The following ZBTB7C variants were observed in gnomAD, a reference collection of about 807,000 sequenced individuals.
ZBTB7C encodes zinc finger and BTB domain containing 7C.
Under a neutral mutation model 25.7 loss-of-function variants are expected in ZBTB7C, and 8 were observed. The observed-to-expected ratio is 0.31, with a 90% confidence interval of 0.18 to 0.56. ZBTB7C has a LOEUF of 0.56. Among genes scored for constraint, ZBTB7C ranks in the 20% least tolerant of loss-of-function variants. ZBTB7C has a pLI of 0.91. For missense variants in ZBTB7C, 824 were observed against 855.2 expected (o/e 0.96, Z 0.46); for synonymous variants, 394 against 369.0 (o/e 1.07, Z -0.78).
chr18:48,216,995 G>A (rs1320689338), intron 2 of ZBTB7C, among the ~76,000 whole-genome samples: 2 of 152,162 alleles, frequency 1.3e-5, no homozygotes, highest in African/African-American at 4.8e-5. Flanking sequence ...TGCGCAGGAA[G>A]GCCGTGTGAT....
At chr18:48,128,897 A>G (rs2039895128) in intron 3 of ZBTB7C, among the ~76,000 whole-genome samples, 1 of 152,162 alleles carries the variant, frequency 6.6e-6, no homozygotes, top group Non-Finnish European at 1.5e-5. Flanking sequence ...GTGCGCAGGT[A>G]AGCCCTCTCT....
At chr18:48,186,961 G>A (rs1255307019) in intron 2 of ZBTB7C, among the ~76,000 whole-genome samples, 1 of 152,230 alleles carries the variant, frequency 6.6e-6, no homozygotes, top group East Asian at 1.9e-4. Flanking sequence ...AAGAAGTGAA[G>A]GCAAAGAGGC....
At chr18:48,385,606 G>A (rs1452866306) in intron 1 of ZBTB7C, among the ~76,000 whole-genome samples, 4 of 152,230 alleles carry the variant, frequency 2.6e-5, no homozygotes, top group East Asian at 3.8e-4. Context: ...AGGCAGGCCC[G>A]CCCGGAACGC....
chr18:48,179,510 C>A (rs554494143), intron 3 of ZBTB7C, among the ~76,000 whole-genome samples: 2 of 152,036 alleles, frequency 1.3e-5, no homozygotes, highest in South Asian at 4.2e-4. Context: ...TGGTTAAGCA[C>A]CAGGAAGGAG....
chr18:48,135,081 C>T (rs760918608), intron 3 of ZBTB7C, among the ~76,000 whole-genome samples: 5 of 152,076 alleles, frequency 3.3e-5, no homozygotes, highest in African/African-American at 7.2e-5. Flanking sequence ...TCCCAGGCTC[C>T]TTCCCAGGCT....
At chr18:48,219,053 C>T (rs1436086761) in intron 2 of ZBTB7C, among the ~76,000 whole-genome samples, 1 of 152,166 alleles carries the variant, frequency 6.6e-6, no homozygotes, top group South Asian at 2.1e-4. Context: ...AACAGCAGCC[C>T]CCATCACAAG....
At chr18:48,154,206 C>G (rs896210310) in intron 3 of ZBTB7C, among the ~76,000 whole-genome samples, 1 of 152,116 alleles carries the variant, frequency 6.6e-6, no homozygotes, top group Admixed American at 6.5e-5. Context: ...GGTCAGGAAT[C>G]GATCTGAATG....
intron 3 of ZBTB7C, among the ~76,000 whole-genome samples, chr18:48,084,324 C>T (rs1388631879): frequency 6.6e-6 from 1 of 152,326 alleles, no homozygotes; most frequent in South Asian, 2.1e-4. Context: ...CCCCTCCCCA[C>T]GATGGGGGCT....
rs548664392 is a variant in ZBTB7C, at chr18:48,176,007, G to A, written c.-17+9927C>T. 2.0e-4 allele frequency among the ~76,000 whole-genome samples: 30 copies of A among 152,262 alleles called. No individual in the cohort carries two copies. The East Asian group carries it at 4.2e-3, about 22-fold the overall frequency. On this transcript the variant is annotated intron_variant, in intron 3 of 4. Coordinates refer to ENST00000590800, the MANE Select transcript of ZBTB7C (RefSeq NM_001318841.2). ...TGGGTGCTACATCTAGGGAGAGACC[G>A]ATGAGGAGCAGGGTACTGCATGGTT... is the stretch of plus-strand genomic sequence containing the variant.
chr18:48,136,876 A>G, intron 3 of ZBTB7C: 9 of 807,184 alleles, frequency 1.1e-5, no homozygotes, highest in Non-Finnish European at 1.3e-5. Context: ...GCGCGTAGCG[A>G]GAATGCCCGC....
intron 1 of ZBTB7C, among the ~76,000 whole-genome samples, chr18:48,385,368 G>A (rs779696932): frequency 2.6e-5 from 4 of 152,176 alleles, no homozygotes; most frequent in Non-Finnish European, 4.4e-5. Flanking sequence ...GAAAGCTGGC[G>A]ATGACCTCTG....
intron 3 of ZBTB7C, among the ~76,000 whole-genome samples, chr18:48,127,503 G>T (rs544375542): frequency 3.9e-5 from 6 of 152,342 alleles, no homozygotes; most frequent in African/African-American, 1.4e-4. Context: ...TCCTACAGGG[G>T]TCAGCATGGG....
chr18:48,279,582 C>G (rs548750821), intron 2 of ZBTB7C, among the ~76,000 whole-genome samples: 1 of 152,218 alleles, frequency 6.6e-6, no homozygotes, highest in Non-Finnish European at 1.5e-5. Flanking sequence ...TTAGCACAGC[C>G]TGCCTTTTGC....
At chr18:48,270,821 C>T (rs1304645081) in intron 2 of ZBTB7C, among the ~76,000 whole-genome samples, 20 of 151,780 alleles carry the variant, frequency 1.3e-4, no homozygotes, top group Admixed American at 1.2e-3. Context: ...ATTACTGGCA[C>T]GCCCGGCCCT....
At chr18:48,126,567 C>T (rs901491339) in intron 3 of ZBTB7C, among the ~76,000 whole-genome samples, 3 of 152,212 alleles carry the variant, frequency 2.0e-5, no homozygotes, top group African/African-American at 7.2e-5. Flanking sequence ...CCCTCATTGG[C>T]TTCTTGTTAC....
chr18:48,144,052 C>A (rs764350694), intron 3 of ZBTB7C, among the ~76,000 whole-genome samples: 1 of 152,082 alleles, frequency 6.6e-6, no homozygotes, highest in Non-Finnish European at 1.5e-5. Flanking sequence ...CCGAGGTGGG[C>A]GGATCACTTC....
intron 3 of ZBTB7C, among the ~76,000 whole-genome samples, chr18:48,141,151 C>T (rs112916841): frequency 0.11 from 16,705 of 145,446 alleles, 1,365 homozygotes; most frequent in Admixed American, 0.17. Flanking sequence ...GCACCACCCC[C>T]CCCACTGTTC....
At chr18:48,311,030 C>T (rs28406021) in intron 2 of ZBTB7C, among the ~76,000 whole-genome samples, 23,157 of 152,128 alleles carry the variant, frequency 0.15, 1,814 homozygotes, top group Non-Finnish European at 0.19. Flanking sequence ...TTTATTCAAT[C>T]GACAACAGAA....
At chr18:48,253,756 G>C (rs1003801559) in intron 2 of ZBTB7C, among the ~76,000 whole-genome samples, 2 of 152,172 alleles carry the variant, frequency 1.3e-5, no homozygotes, top group Non-Finnish European at 2.9e-5. Flanking sequence ...CACCCAAAAA[G>C]GGGTAAAAGA....
Sources: allele counts gnomAD v4.1 joint callset (sites outside exome capture counted in the v4.1 genomes callset), GRCh38; gene constraint gnomAD v4.1.1; transcripts MANE v1.5; gene names NCBI Gene and HGNC (gene_info 2026-07-23, HGNC 2026-07-21).